Variants in SPON1 observed in about 807,000 individuals in gnomAD.
The protein encoded by SPON1 is spondin-1.
A neutral mutation model predicts 111.7 loss-of-function variants in SPON1; 52 were observed. The ratio of observed to expected loss-of-function variants is 0.47; its 90% CI spans 0.37 to 0.59. The LOEUF (loss-of-function observed/expected upper bound fraction) is 0.59. Ranked by LOEUF, SPON1 falls within the 20% of genes least tolerant of loss-of-function variation. The pLI is 0.00. For missense variants in SPON1, 957 were observed against 1,068.5 expected, an observed-to-expected ratio of 0.90 and a Z score of 1.46; for synonymous variants, 410 against 395.8, an observed-to-expected ratio of 1.04 and a Z score of -0.43.
chr11:14,019,893 ACTACCC>A (rs1554914630), intron 2 of SPON1, among the ~76,000 whole-genome samples: 1 of 152,224 alleles, frequency 6.6e-6, no homozygotes, highest in African/African-American at 2.4e-5. Flanking sequence ...CTCATAGGCC[ACTACCC>A]CTTTTGTCAG....
intron 5 of SPON1, among the ~76,000 whole-genome samples, chr11:14,123,134 T>G (rs1459807617): frequency 6.6e-6 from 1 of 151,952 alleles, no homozygotes; most frequent in Non-Finnish European, 1.5e-5. Context: ...GGCCTCACTA[T>G]GTTGCCCAGG....
chr11:13,981,842 C>T (rs1449286062), intron 1 of SPON1, among the ~76,000 whole-genome samples: 2 of 152,128 alleles, frequency 1.3e-5, no homozygotes, highest in African/African-American at 4.8e-5. Context: ...GTTCCACGGC[C>T]CTGCTCCTGG....
intron 6 of SPON1, among the ~76,000 whole-genome samples, chr11:14,206,892 A>T (rs1285765239): frequency 6.6e-6 from 1 of 152,120 alleles, no homozygotes; most frequent in Admixed American, 6.5e-5. Flanking sequence ...CTATTTTAAA[A>T]TTCATGTGAA....
chr11:14,138,542 G>C (rs1459086054), intron 6 of SPON1, among the ~76,000 whole-genome samples: 3 of 152,030 alleles, frequency 2.0e-5, no homozygotes, highest in Non-Finnish European at 4.4e-5. Flanking sequence ...AATGTGTCCT[G>C]GTGGCCAGGA....
chr11:14,209,349 T>C (rs1340649465), intron 6 of SPON1, among the ~76,000 whole-genome samples: 1 of 152,022 alleles, frequency 6.6e-6, no homozygotes, highest in African/African-American at 2.4e-5. Context: ...GCCATGGCGG[T>C]TTGCTGCACC....
At chr11:14,072,785 A>G (rs1337598950) in intron 3 of SPON1, among the ~76,000 whole-genome samples, 1 of 152,170 alleles carries the variant, frequency 6.6e-6, no homozygotes, top group Non-Finnish European at 1.5e-5. Flanking sequence ...CCACACACCA[A>G]CTGGTTTTTA....
chr11:14,128,882 G>A (rs2133857527), intron 5 of SPON1, among the ~76,000 whole-genome samples: 1 of 152,360 alleles, frequency 6.6e-6, no homozygotes, highest in African/African-American at 2.4e-5. Flanking sequence ...CCAAGGCTTG[G>A]GGCTTGCACC....
At chr11:13,984,905 T>G (rs1467826003) in intron 2 of SPON1, among the ~76,000 whole-genome samples, 6 of 152,224 alleles carry the variant, frequency 3.9e-5, no homozygotes, top group African/African-American at 1.4e-4. Context: ...GAACTGTTGT[T>G]GAACTCCTAT....
intron 6 of SPON1, among the ~76,000 whole-genome samples, chr11:14,199,035 T>A (rs782458680): frequency 1.1e-4 from 17 of 152,182 alleles, no homozygotes; most frequent in Non-Finnish European, 2.2e-4. Context: ...GTAATAGTGT[T>A]TCCTACTATC....
intron 7 of SPON1, 35 bp from the exon 8 acceptor site, chr11:14,254,493 A>T (rs1849085294): frequency 6.5e-7 from 1 of 1,541,900 alleles, no homozygotes; most frequent in Non-Finnish European, 8.8e-7. Context: ...AACCCCCAGA[A>T]CTCTAATATA....
At chr11:14,034,339 C>A (rs1211660802) in intron 2 of SPON1, among the ~76,000 whole-genome samples, 1 of 151,098 alleles carries the variant, frequency 6.6e-6, no homozygotes, top group Admixed American at 6.6e-5. Context: ...TGAATGACTG[C>A]CATTTAGTTG....
In SPON1 at chr11:14,148,924, AC is replaced by A. The variant is rs1463168721; in HGVS notation, c.825+13358del. 2.0e-5 allele frequency among the ~76,000 whole-genome samples: 3 copies of A among 152,208 alleles called. No individual in the cohort carries two copies. The East Asian group carries it at 5.8e-4, about 29-fold the overall frequency. On this transcript the variant is annotated intron_variant, in intron 6 of 15. Transcript: ENST00000576479. The stretch of plus-strand genomic sequence containing the variant: ...TCATTCATTCATTCATGCATCAAAC[AC>A]CATACAGTCATGCACTGCATAACAT...
intron 1 of SPON1, among the ~76,000 whole-genome samples, chr11:13,965,974 C>T (rs905571291): frequency 3.3e-5 from 5 of 152,130 alleles, no homozygotes; most frequent in African/African-American, 1.2e-4. Context: ...TATTCCAGTT[C>T]ATCCCCAAGC....
intron 5 of SPON1, among the ~76,000 whole-genome samples, chr11:14,117,197 G>A (rs1303460031): frequency 6.6e-6 from 1 of 151,894 alleles, no homozygotes; most frequent in Non-Finnish European, 1.5e-5. Context: ...TTGCCTTATT[G>A]CACTGGCTAT....
At chr11:14,052,661 C>A (rs1848716699) in intron 3 of SPON1, among the ~76,000 whole-genome samples, 2 of 152,092 alleles carry the variant, frequency 1.3e-5, no homozygotes, top group African/African-American at 2.4e-5. Context: ...ACTCAGATAC[C>A]CCAGAATCTG....
chr11:14,204,549 A>G (rs1848497179), intron 6 of SPON1, among the ~76,000 whole-genome samples: 1 of 152,088 alleles, frequency 6.6e-6, no homozygotes, highest in Non-Finnish European at 1.5e-5. Context: ...CAGCTTCTCT[A>G]AGTGCTGGGA....
intron 6 of SPON1, among the ~76,000 whole-genome samples, chr11:14,211,048 C>G (rs1554936671): frequency 1.3e-5 from 2 of 152,112 alleles, no homozygotes; most frequent in East Asian, 3.8e-4. Context: ...ATGCCTCTGG[C>G]TTTGTTCTTT....
At chr11:14,072,432 A>G (rs1290149013) in intron 3 of SPON1, among the ~76,000 whole-genome samples, 1 of 152,050 alleles carries the variant, frequency 6.6e-6, no homozygotes, top group African/African-American at 2.4e-5. Context: ...AGGCTTTGCC[A>G]TTGTCCCCCT....
chr11:14,117,021 A>C (rs1287428311), intron 5 of SPON1, among the ~76,000 whole-genome samples: 1 of 152,198 alleles, frequency 6.6e-6, no homozygotes, highest in Non-Finnish European at 1.5e-5. Flanking sequence ...TGTCACTGGT[A>C]TATAGGAATA....
Sources: gnomAD v4.1 joint callset for allele counts (sites outside exome capture counted in the v4.1 genomes callset) on GRCh38, gnomAD v4.1.1 for gene constraint, MANE v1.5 for transcripts, NCBI Gene and HGNC (gene_info 2026-07-23, HGNC 2026-07-21) for gene names.